ATG2A: variants seen among roughly 807,000 people sequenced by gnomAD.
ATG2A encodes the protein autophagy related 2A, also known as autophagy-related protein 2 homolog A.
Under a neutral mutation model 214.2 loss-of-function variants are expected in ATG2A, and 103 were observed. The ratio of observed to expected loss-of-function variants is 0.48; its 90% CI spans 0.41 to 0.57. The LOEUF (loss-of-function observed/expected upper bound fraction) is 0.57. ATG2A is among the 20% of genes least tolerant of loss of function. ATG2A has a pLI of 0.00. For synonymous variants in ATG2A, 1,160 were observed against 1,142.1 expected (o/e 1.02, Z -0.32); for missense variants, 2,312 against 2,613.2 (o/e 0.88, Z 2.51).
intron 1 of ATG2A, 127 bp from the exon 2 acceptor site, chr11:64,914,627 ACAAGGT>A (rs1944909646): frequency 2.5e-6 from 3 of 1,223,018 alleles, no homozygotes; most frequent in African/African-American, 1.5e-5. Context: ...CGTGTTATCT[ACAAGGT>A]CCCACCTATG....
In ATG2A at chr11:64,902,353, G is replaced by T; in HGVS notation, c.3811C>A (p.Pro1271Thr). 6.2e-7 allele frequency: 1 copy of T among 1,600,334 alleles called. No homozygotes were observed. Among genetic ancestry groups the T allele is most frequent in the Non-Finnish European group, 8.5e-7 (1 of 1,174,312 alleles). Reference sequence around the variant, plus strand: ...TTGATGAGGGCCGTCTCCACTGGGGGGCACGAGGGCAGAGAGGCAGGACTC... The same window carrying T: ...TTGATGAGGGCCGTCTCCACTGGGGTGCACGAGGGCAGAGAGGCAGGACTC... ...SESPASLPSC[P>T]PVETALINQR... is the part of the protein sequence containing the mutation. The change falls in exon 28 of 41, where the codon CCC becomes ACC. Residue 1271 changes from proline to threonine, a missense_variant. Transcript: ENST00000377264.
At chr11:64,905,465 G>T in intron 24 of ATG2A, 98 bp downstream of exon 24, 1 of 1,259,758 alleles carries the variant, frequency 7.9e-7, no homozygotes. Flanking sequence ...CTATCACCCG[G>T]GTGTACATTA....
rs571223971 is a variant in ATG2A at position 64,915,351 on chromosome 11, T to C, written c.172-851A>G. 6.6e-4 allele frequency among the ~76,000 whole-genome samples: 100 copies of C among 152,128 alleles called. 1 individual carries two copies. The highest frequency in any genetic ancestry group is 2.3e-3 in the African/African-American group (94 of 41,504). ...TTGGATCCAAGAATAAAAAAGCACA[T>C]GGCAGAGCAGATGGGAGTCCAAATT... On this transcript the variant is annotated intron_variant, in intron 1 of 40. Transcript: ENST00000377264.
chr11:64,914,519 C>A lies in ATG2A; in HGVS notation c.172-19G>T. 1 of 1,609,168 alleles carries A rather than the reference C, an allele frequency of 6.2e-7. No homozygotes were observed. Among genetic ancestry groups the A allele is most frequent in the Non-Finnish European group, 8.5e-7 (1 of 1,178,136 alleles). Reference sequence around the variant, plus strand: ...TCACAGACTGGGAGCAAGCAAGAGACAAAACCAGCTCAGGGAAACCCCAAA... The same window carrying A: ...TCACAGACTGGGAGCAAGCAAGAGAAAAAACCAGCTCAGGGAAACCCCAAA... On this transcript the variant is annotated intron_variant, in intron 1 of 40. Coordinates refer to ENST00000377264, the MANE Select transcript of ATG2A (RefSeq NM_015104.3).
rs150434804 is a variant in ATG2A, at chr11:64,911,258, G to A, written c.1246C>T (p.Pro416Ser). ...AHPAGKMAPN[P>S]LLDTMRPDSL... is the part of the protein sequence containing the mutation. ...TCAGGGCGCATGGTGTCCAGGAGGG[G>A]GTTGGGGGCCATCTTGCCTGAGGGG... Residue 416 changes from proline (P) to serine (S), a missense_variant, in exon 10 of 41, where the codon CCC becomes TCC. Physicochemically the swap from Pro to Ser is moderately conservative, Grantham distance 74 (BLOSUM62 -1). Transcript: ENST00000377264. The A allele has an allele frequency of 2.9e-5, 47 of 1,613,808 alleles. No individual in the cohort carries two copies. The South Asian group carries it at 4.8e-4, about 17-fold the overall frequency.
intron 2 of ATG2A, 51 bp downstream of exon 2, chr11:64,914,286 GC>G (rs1759762844): frequency 6.4e-7 from 1 of 1,554,520 alleles, no homozygotes. Flanking sequence ...GGTCCTGGAC[GC>G]CCCAGCCCAC....
chr11:64,916,808 G>A lies in ATG2A; in HGVS notation c.171+157C>T. On this transcript the variant is annotated intron_variant, in intron 1 of 40. Coordinates refer to ENST00000377264, the MANE Select transcript of ATG2A (RefSeq NM_015104.3). ...TCTGGCTCTGGTAAGGAACTGAAGAGGCCAGCCGGGGTGCCTCTGACGCCT... is the reference window on the plus strand; with the variant it reads ...TCTGGCTCTGGTAAGGAACTGAAGAAGCCAGCCGGGGTGCCTCTGACGCCT... 3 of 960,606 alleles carry A rather than the reference G, an allele frequency of 3.1e-6. No homozygotes were observed. In the South Asian group the frequency reaches 4.9e-5, roughly 16 times the overall value. The allele number at this position is 960,606 out of a possible 1,614,324, so 59.5% of individuals were successfully genotyped here. A position where few individuals can be genotyped will look rare whatever the true frequency, so the allele number is the denominator to read the frequency against.
At chr11:64,914,915 C>T (rs1469387551) in intron 1 of ATG2A, among the ~76,000 whole-genome samples, 1 of 136,034 alleles carries the variant, frequency 7.4e-6, no homozygotes, top group Non-Finnish European at 1.6e-5. Context: ...GTGGGGGGGC[C>T]GTGGGGAAGA....
rs975982312 is a variant in ATG2A at position 64,912,793 on chromosome 11, A to C, written c.825+245T>G. 4 of 472,076 alleles carry C rather than the reference A, an allele frequency of 8.5e-6. No homozygotes were observed. The South Asian group carries it at 1.1e-4, about 12-fold the overall frequency. 29.2% of individuals were successfully genotyped at this position (472,076 alleles called of 1,614,324 possible). ...TTTTTAGTAGAGACGGGGTTTCACC[A>C]TGTTGGCCAGGCTGGTCTCGAACTC... On this transcript the variant is annotated intron_variant, in intron 6 of 40. Coordinates refer to ENST00000377264, the MANE Select transcript of ATG2A (RefSeq NM_015104.3).
intron 6 of ATG2A, 191 bp downstream of exon 6, chr11:64,912,847 C>T (rs376432150): frequency 2.0e-5 from 11 of 553,052 alleles, no homozygotes; most frequent in African/African-American, 1.5e-4. Context: ...CCCACCTTGG[C>T]CTCCCAAAGT....
At position 64,900,722 on chromosome 11, in the gene ATG2A, G is replaced by A. The variant is rs1000132720; in HGVS notation, c.4329-93C>T. 29 of 1,459,748 alleles carry A rather than the reference G, an allele frequency of 2.0e-5. No individual in the cohort carries two copies. The African/African-American group carries it at 2.8e-4, about 14-fold the overall frequency. The allele number at this position is 1,459,748 out of a possible 1,614,324, so 90.4% of individuals were successfully genotyped here. On this transcript the variant is annotated intron_variant, in intron 30 of 40. Coordinates refer to ENST00000377264, the MANE Select transcript of ATG2A (RefSeq NM_015104.3). The stretch of plus-strand genomic sequence containing the variant: ...TTTTAGCCTGGGACAAGAGACCCCC[G>A]CTAGCCCCAGTCCTGGAAGGCAGGC...
rs1414358039 is a variant in ATG2A at position 64,905,824 on chromosome 11, C to A, written c.3289G>T (p.Asp1097Tyr). 6.2e-7 allele frequency: 1 copy of A among 1,613,590 alleles called. No individual in the cohort carries two copies. Among genetic ancestry groups the A allele is most frequent in the Non-Finnish European group, 8.5e-7 (1 of 1,180,004 alleles). ...GGCAGGTAGCCCAGCACAGGGTCATCCAGCACGTCTAGGAACTCCAACAAC... is the reference window on the plus strand; with the variant it reads ...GGCAGGTAGCCCAGCACAGGGTCATACAGCACGTCTAGGAACTCCAACAAC... ...SQLLEFLDVLDDPVLGYLPPT... is the reference protein window; with the variant it reads ...SQLLEFLDVLYDPVLGYLPPT... Residue 1097 changes from aspartate (D) to tyrosine (Y), a missense_variant, in exon 23 of 41, where the codon GAT becomes TAT. By Grantham distance (160) the Asp-to-Tyr change is radical. Transcript: ENST00000377264.
chr11:64,909,946 G>C (rs757357443), intron 13 of ATG2A, 22 bp from the exon 14 acceptor site: 2 of 1,589,708 alleles, frequency 1.3e-6, no homozygotes, highest in Non-Finnish European at 1.7e-6. Flanking sequence ...TTGGGGGTCA[G>C]AGCAGCCGTC....
chr11:64,896,809 G>T lies in ATG2A; in HGVS notation c.5211C>A (p.Arg1737=), dbSNP rs143510901. 1.2e-6 allele frequency: 2 copies of T among 1,614,046 alleles called. No individual in the cohort carries two copies. The highest frequency in any genetic ancestry group is 2.7e-5 in the African/African-American group (2 of 74,932). The part of the protein sequence containing the change: ...YALNEWLQDI[R]KNQLPGLLGG... ...CCAGCAGGCCGGGCAGCTGGTTCTT[G>T]CGGATGTCCTGCAGCCACTCGTTGA... Residue 1737 remains arginine, a synonymous_variant, in exon 38 of 41, where the codon CGC becomes CGA. Coordinates refer to ENST00000377264, the MANE Select transcript of ATG2A (RefSeq NM_015104.3).
intron 31 of ATG2A, among the ~76,000 whole-genome samples, chr11:64,899,454 C>T (rs750761524): frequency 1.4e-4 from 21 of 152,170 alleles, no homozygotes; most frequent in African/African-American, 3.9e-4. Flanking sequence ...ACTCATCTCC[C>T]GCAGGTTCTT....
Position 64,913,083 on chromosome 11 carries a change from C to T in ATG2A, c.780G>A (p.Glu260=), listed in dbSNP as rs779886883. ...LQIGSCSGYM[E]LMVKLKQNEA... ...CATTTTGCTTCAACTTCACCATCAG[C>T]TCCATGTACCCTGAGCAGCTGCCGA... is the stretch of plus-strand genomic sequence containing the variant. Residue 260 remains glutamate, a synonymous_variant, in exon 6 of 41, where the codon GAG becomes GAA. Transcript: ENST00000377264. This position sits in a 1 kb window ranked among gnomAD's most constrained non-coding sequence, Gnocchi z 4.3. 25 of 1,574,986 alleles carry T rather than the reference C, an allele frequency of 1.6e-5. No individual in the cohort carries two copies. Among genetic ancestry groups the T allele is most frequent in the South Asian group, 2.3e-5 (2 of 85,950 alleles).
Position 64,909,589 on chromosome 11 carries a change from G to C in ATG2A, c.2107+92C>G, listed in dbSNP as rs529643719. 4.8e-5 allele frequency: 74 copies of C among 1,556,498 alleles called. No homozygotes were observed. The African/African-American group carries it at 9.2e-4, about 19-fold the overall frequency. On this transcript the variant is annotated intron_variant, in intron 14 of 40. Transcript: ENST00000377264. Reference sequence around the variant, plus strand: ...TAAAGGCCTGGGCCAGGGACTGCTCGGGTTGTGACTGGGCCCCTTCCATAG... The same window carrying C: ...TAAAGGCCTGGGCCAGGGACTGCTCCGGTTGTGACTGGGCCCCTTCCATAG...
In ATG2A at chr11:64,900,903, C is replaced by G; in HGVS notation, c.4309G>C (p.Gly1437Arg). The G allele has an allele frequency of 1.3e-6, 2 of 1,563,684 alleles. No individual in the cohort carries two copies. Among genetic ancestry groups the G allele is most frequent in the Non-Finnish European group, 1.7e-6 (2 of 1,154,774 alleles). ...VWHLYGGRDF[G>R]PHPGHRARTG... is the part of the protein sequence containing the mutation. ...CCTCACCTGTGGCCGGGGTGGGGGC[C>G]AAAGTCTCGGCCCCCATAGAGGTGC... Residue 1437 changes from glycine (G) to arginine (R), a missense_variant, in exon 30 of 41, where the codon GGC (glycine) becomes CGC (arginine). Physicochemically the swap from Gly to Arg is moderately radical, Grantham distance 125. Coordinates refer to ENST00000377264, the MANE Select transcript of ATG2A (RefSeq NM_015104.3).
chr11:64,911,077 C>T lies in ATG2A; in HGVS notation c.1427G>A (p.Arg476Gln), dbSNP rs768522288. 3.2e-5 allele frequency: 52 copies of T among 1,613,782 alleles called. No homozygotes were observed. The South Asian group carries it at 3.4e-4, about 11-fold the overall frequency. ...PFGSRDFHHL[R>Q]PRFQRACPCS... is the part of the protein sequence containing the mutation. ...GGGACAGGCCCTCTGGAAGCGTGGT[C>T]GAAGGTGATGGAAGTCTCGGGAACC... Residue 476 changes from arginine (R) to glutamine (Q), a missense_variant, in exon 10 of 41, where the codon CGA becomes CAA. Physicochemically the swap from Arg to Gln is conservative, Grantham distance 43. Transcript: ENST00000377264.
Sources: gnomAD v4.1 joint callset for allele counts (sites outside exome capture counted in the v4.1 genomes callset) on GRCh38, gnomAD v4.1.1 for gene constraint, Gnocchi (gnomAD v3.1) non-coding constraint, MANE v1.5 for transcripts, NCBI Gene and HGNC (gene_info 2026-07-23, HGNC 2026-07-21) for gene names.